Variants in NMNAT2 observed in about 807,000 individuals in gnomAD.
NMNAT2 encodes the protein nicotinamide/nicotinic acid mononucleotide adenylyltransferase 2.
In NMNAT2, 11 loss-of-function variants were observed where a neutral mutation model predicts 41.6. The ratio of observed to expected loss-of-function variants is 0.26; its 90% CI spans 0.17 to 0.44. NMNAT2 has a LOEUF of 0.44. NMNAT2 is among the 20% of genes least tolerant of loss of function. The pLI, the probability that NMNAT2 is intolerant of heterozygous loss-of-function variation, is 1.00. For synonymous variants in NMNAT2, 148 were observed against 151.2 expected, an observed-to-expected ratio of 0.98 and a Z score of 0.16; for missense variants, 288 against 407.7, an observed-to-expected ratio of 0.71 and a Z score of 2.53.
At chr1:183,265,948 G>C (rs549900) in intron 8 of NMNAT2, among the ~76,000 whole-genome samples, 1 of 152,206 alleles carries the variant, frequency 6.6e-6, no homozygotes, top group Non-Finnish European at 1.5e-5. Flanking sequence ...AAGATAATGG[G>C]AAGATGGAGT....
At chr1:183,372,009 G>A (rs766562064) in intron 1 of NMNAT2, among the ~76,000 whole-genome samples, 2 of 152,174 alleles carry the variant, frequency 1.3e-5, no homozygotes, top group Non-Finnish European at 2.9e-5. Context: ...TGAACTCCTG[G>A]GGCTCAAGTG....
Position 183,276,693 on chromosome 1 carries a change from G to A in NMNAT2, c.651+1860C>T, listed in dbSNP as rs564065372. On this transcript the variant is annotated intron_variant, in intron 8 of 10. Coordinates refer to ENST00000287713, the MANE Select transcript of NMNAT2 (RefSeq NM_015039.4). ...TTCCTCCAGGACGGCCCAGGCCTCC[G>A]CAATAAAATGGGGCCTCCGGCAATT... Among the ~76,000 whole-genome samples, 98 of 152,346 alleles carry A rather than the reference G, an allele frequency of 6.4e-4. 4 individuals are homozygous for A. The highest frequency in any genetic ancestry group is 2.1e-4 in the South Asian group (1 of 4,832).
At chr1:183,377,703 T>C (rs1663708992) in intron 1 of NMNAT2, among the ~76,000 whole-genome samples, 1 of 152,186 alleles carries the variant, frequency 6.6e-6, no homozygotes, top group Non-Finnish European at 1.5e-5. Flanking sequence ...TGTTCAGTTT[T>C]CAACAATAAC....
At chr1:183,364,466 A>G (rs925097251) in intron 1 of NMNAT2, among the ~76,000 whole-genome samples, 1 of 152,244 alleles carries the variant, frequency 6.6e-6, no homozygotes, top group Non-Finnish European at 1.5e-5. Context: ...ATTATTCTAT[A>G]TTAAATAATA....
chr1:183,344,260 C>T lies in NMNAT2; in HGVS notation c.86-50467G>A, dbSNP rs140230721. 3.7e-3 allele frequency among the ~76,000 whole-genome samples: 571 copies of T among 152,284 alleles called. 10 individuals are homozygous for T. The highest frequency in any genetic ancestry group is 0.012 in the African/African-American group (479 of 41,552). On this transcript the variant is annotated intron_variant, in intron 1 of 10. Transcript: ENST00000287713. The stretch of plus-strand genomic sequence containing the variant: ...ACAATGAAGCAAGCATAATCATCTG[C>T]ATTATAGATGAGGAAACCGAGGTTC...
intron 1 of NMNAT2, among the ~76,000 whole-genome samples, chr1:183,311,081 G>T (rs867406622): frequency 6.6e-6 from 1 of 152,086 alleles, no homozygotes; most frequent in African/African-American, 2.4e-5. Context: ...GAGGTGCCCT[G>T]GTCTAGAACC....
At chr1:183,261,684 C>T (rs934308137) in intron 8 of NMNAT2, among the ~76,000 whole-genome samples, 3 of 152,070 alleles carry the variant, frequency 2.0e-5, no homozygotes, top group Non-Finnish European at 4.4e-5. Context: ...GAAACAGATC[C>T]CTCTGTTCAG....
At chr1:183,406,707 G>C (rs1648963677) in intron 1 of NMNAT2, among the ~76,000 whole-genome samples, 1 of 151,746 alleles carries the variant, frequency 6.6e-6, no homozygotes, top group South Asian at 2.1e-4. Context: ...TTCGCTCAAA[G>C]TAGAGTAAGT....
chr1:183,263,096 C>T (rs185968596), intron 8 of NMNAT2, among the ~76,000 whole-genome samples: 1 of 152,308 alleles, frequency 6.6e-6, no homozygotes, highest in Admixed American at 6.5e-5. Context: ...TCCACCTTTA[C>T]CCTGCTTCTC....
At chr1:183,257,431 ACT>A (rs1660546574) in intron 10 of NMNAT2, among the ~76,000 whole-genome samples, 1 of 152,084 alleles carries the variant, frequency 6.6e-6, no homozygotes, top group Admixed American at 6.5e-5. Flanking sequence ...ACAGAGTGAG[ACT>A]CTGTCTAAAA....
At chr1:183,314,213 C>G (rs903692211) in intron 1 of NMNAT2, among the ~76,000 whole-genome samples, 1 of 152,228 alleles carries the variant, frequency 6.6e-6, no homozygotes, top group African/African-American at 2.4e-5. Context: ...TTCTTTAAAT[C>G]TGAGCCCTAC....
chr1:183,254,217 G>T (rs1660464927), intron 10 of NMNAT2, among the ~76,000 whole-genome samples: 1 of 152,074 alleles, frequency 6.6e-6, no homozygotes, highest in Non-Finnish European at 1.5e-5. Context: ...GTGTACAAGG[G>T]TTCCCTTTCT....
At position 183,332,230 on chromosome 1, in the gene NMNAT2, G is replaced by A. The variant is rs1344262343; in HGVS notation, c.86-38437C>T. ...TTTTAACATAAACACAAAGCCAGTGGGCCTTTTCTAGAATTTTCTAGACTC... is the reference window on the plus strand; with the variant it reads ...TTTTAACATAAACACAAAGCCAGTGAGCCTTTTCTAGAATTTTCTAGACTC... On this transcript the variant is annotated intron_variant, in intron 1 of 10. Transcript: ENST00000287713. Among the ~76,000 whole-genome samples, 4 of 152,070 alleles carry A rather than the reference G, an allele frequency of 2.6e-5. No individual in the cohort carries two copies. The East Asian group carries it at 7.8e-4, about 29-fold the overall frequency.
intron 1 of NMNAT2, among the ~76,000 whole-genome samples, chr1:183,355,699 G>A (rs1557887798): frequency 6.6e-6 from 1 of 152,196 alleles, no homozygotes; most frequent in South Asian, 2.1e-4. Flanking sequence ...GCCCCAGCCT[G>A]GGCTCCTGTG....
At chr1:183,257,364 C>T (rs1328761325) in intron 10 of NMNAT2, among the ~76,000 whole-genome samples, 2 of 152,020 alleles carry the variant, frequency 1.3e-5, no homozygotes, top group African/African-American at 4.8e-5. Flanking sequence ...TCACTTGAAC[C>T]CGGGACGCGG....
At chr1:183,269,876 T>C (rs964762362) in intron 8 of NMNAT2, among the ~76,000 whole-genome samples, 2 of 152,088 alleles carry the variant, frequency 1.3e-5, no homozygotes, top group African/African-American at 4.8e-5. Flanking sequence ...CATATTGTAG[T>C]GACTTGAAAC....
At chr1:183,331,420 T>G (rs967135635) in intron 1 of NMNAT2, among the ~76,000 whole-genome samples, 3 of 152,012 alleles carry the variant, frequency 2.0e-5, no homozygotes, top group Non-Finnish European at 4.4e-5. Flanking sequence ...ATAGACAAGA[T>G]GAAAGGCAGG....
intron 1 of NMNAT2, among the ~76,000 whole-genome samples, chr1:183,327,066 T>C (rs1404019433): frequency 6.7e-6 from 1 of 148,442 alleles, no homozygotes; most frequent in African/African-American, 2.5e-5. Context: ...ATGTATTTAT[T>C]TTTGAGACAG....
intron 1 of NMNAT2, among the ~76,000 whole-genome samples, chr1:183,414,671 A>AT (rs1374153442): frequency 1.3e-5 from 2 of 152,114 alleles, no homozygotes; most frequent in African/African-American, 4.8e-5. Context: ...CACAAATACT[A>AT]TTTTTTCCTG....
Sources: gnomAD v4.1 joint callset for allele counts (sites outside exome capture counted in the v4.1 genomes callset) on GRCh38, gnomAD v4.1.1 for gene constraint, MANE v1.5 for transcripts, NCBI Gene and HGNC (gene_info 2026-07-23, HGNC 2026-07-21) for gene names.